The following PDE8B variants were observed in gnomAD, a reference collection of about 807,000 sequenced individuals.
The protein encoded by PDE8B is phosphodiesterase 8B.
PDE8B carries 26 observed loss-of-function variants against 101.3 expected under a neutral mutation model. The ratio of observed to expected loss-of-function variants is 0.26; its 90% confidence interval spans 0.19 to 0.36. The LOEUF is 0.36. PDE8B is among the 10% of genes least tolerant of loss of function. PDE8B has a pLI of 1.00. For missense variants in PDE8B, 810 were observed against 1,163.1 expected (o/e 0.70, Z 4.42); for synonymous variants, 424 against 429.3 (o/e 0.99, Z 0.15).
intron 1 of PDE8B, among the ~76,000 whole-genome samples, chr5:77,296,199 C>T (rs912028015): frequency 6.6e-6 from 1 of 151,638 alleles, no homozygotes; most frequent in African/African-American, 2.4e-5. Context: ...TCTTTCTCTC[C>T]CTCCTTTTCC....
intron 2 of PDE8B, among the ~76,000 whole-genome samples, chr5:77,321,142 ATTTTT>A (rs10538529): frequency 0.11 from 8,496 of 76,710 alleles, 355 homozygotes; most frequent in African/African-American, 0.25. Context: ...CAGTATCTCT[ATTTTT>A]TTTTTTTTTT....
chr5:77,116,762 A>G, the PDE8B span, among the ~76,000 whole-genome samples: 11 of 152,246 alleles, frequency 7.2e-5, no homozygotes, highest in Non-Finnish European at 1.6e-4. Context: ...AAAAGAACAT[A>G]GTATTAATCT....
At chr5:77,333,609 G>C (rs1280247070) in intron 5 of PDE8B, among the ~76,000 whole-genome samples, 2 of 152,172 alleles carry the variant, frequency 1.3e-5, no homozygotes, top group African/African-American at 4.8e-5. Flanking sequence ...TCTACCTTTA[G>C]TTCAGTGATC....
chr5:77,198,095 T>C, the PDE8B span, among the ~76,000 whole-genome samples: 1 of 152,200 alleles, frequency 6.6e-6, no homozygotes, highest in Non-Finnish European at 1.5e-5. Flanking sequence ...GATTTTGTTT[T>C]GGTACACAAG....
intron 10 of PDE8B, among the ~76,000 whole-genome samples, chr5:77,391,439 G>C (rs970722269): frequency 1.3e-5 from 2 of 152,180 alleles, no homozygotes; most frequent in African/African-American, 4.8e-5. Context: ...TGGGTTGCTA[G>C]CCATAGGCAT....
chr5:77,276,609 C>T (rs879339896), intron 1 of PDE8B, among the ~76,000 whole-genome samples: 1 of 152,154 alleles, frequency 6.6e-6, no homozygotes, highest in Non-Finnish European at 1.5e-5. Context: ...GCATCAGACA[C>T]AATATTGAGT....
intron 20 of PDE8B, among the ~76,000 whole-genome samples, chr5:77,423,622 G>A (rs372328786): frequency 1.9e-5 from 1 of 51,802 alleles, no homozygotes; most frequent in Admixed American, 2.2e-4. Context: ...CTGGACTTTT[G>A]TTTTGTTTAG....
the PDE8B span, chr5:77,112,883 A>T: frequency 1.3e-5 from 2 of 152,226 alleles, no homozygotes; most frequent in Non-Finnish European, 2.9e-5. Context: ...ATAGACAAAC[A>T]GAGAGCCAAA....
Position 77,395,968 on chromosome 5 carries a change from C to T in PDE8B, c.1168-4280C>T, listed in dbSNP as rs12514448. On this transcript the variant is annotated intron_variant, in intron 10 of 21. Transcript: ENST00000264917. ...TCCAGTCCACCAGGCTGGCTGTTCC[C>T]TCAGGAATAACCTCCCATGTGTCTG... Among the ~76,000 whole-genome samples the T allele has an allele frequency of 5.6e-4, 86 of 152,348 alleles. 1 individual carries two copies. Among genetic ancestry groups the T allele is most frequent in the Admixed American group, 4.2e-3 (65 of 15,302 alleles).
intron 10 of PDE8B, among the ~76,000 whole-genome samples, chr5:77,356,010 T>C (rs1782041879): frequency 6.6e-6 from 1 of 152,252 alleles, no homozygotes; most frequent in African/African-American, 2.4e-5. Context: ...GCTGAGGCCA[T>C]GTGGCCTGCA....
At chr5:77,093,180 T>C in the PDE8B span, among the ~76,000 whole-genome samples, 1 of 152,204 alleles carries the variant, frequency 6.6e-6, no homozygotes, top group Non-Finnish European at 1.5e-5. Flanking sequence ...TTTAAATGTT[T>C]GGTAGATTCA....
chr5:77,346,535 T>TCC (rs1780187606), intron 7 of PDE8B, among the ~76,000 whole-genome samples: 1 of 152,210 alleles, frequency 6.6e-6, no homozygotes, highest in Admixed American at 6.5e-5. Flanking sequence ...TATCAATTGG[T>TCC]GGTTAGAAAA....
chr5:77,195,467 A>G, the PDE8B span, among the ~76,000 whole-genome samples: 2 of 151,818 alleles, frequency 1.3e-5, no homozygotes, highest in Non-Finnish European at 2.9e-5. Context: ...TTTTTTTTCA[A>G]TTATAGCCAT....
rs143565719 is a variant in PDE8B at position 77,423,757 on chromosome 5, C to A, written c.2418+1769C>A. Among the ~76,000 whole-genome samples, 1,136 of 149,084 alleles carry A rather than the reference C, an allele frequency of 7.6e-3. 9 individuals are homozygous for A. The highest frequency in any genetic ancestry group is 0.026 in the African/African-American group (1,070 of 40,744). ...CAGGCTTGAGCAATTCTGCCTCAGC[C>A]TCCCAAGTAGCTGGGACTACAGGTG... is the stretch of plus-strand genomic sequence containing the variant. On this transcript the variant is annotated intron_variant, in intron 20 of 21. Transcript: ENST00000264917.
At chr5:77,204,956 G>A in the PDE8B span, among the ~76,000 whole-genome samples, 2 of 152,114 alleles carry the variant, frequency 1.3e-5, no homozygotes, top group Admixed American at 1.3e-4. Flanking sequence ...ATGCTTTTGT[G>A]AAATATATTT....
rs80268368 is a variant in PDE8B at position 77,258,457 on chromosome 5, G to A, written c.339+47193G>A. On this transcript the variant is annotated intron_variant, in intron 1 of 21. Transcript: ENST00000264917. The stretch of plus-strand genomic sequence containing the variant: ...AGGAGTTTGCAAAAGCACTAAACAT[G>A]TTTGCTTCATACTGTGGCTTTGATT... Among the ~76,000 whole-genome samples, 736 of 152,100 alleles carry A rather than the reference G, an allele frequency of 4.8e-3. 7 individuals are homozygous for A. The highest frequency in any genetic ancestry group is 0.017 in the African/African-American group (713 of 41,498).
the PDE8B span, among the ~76,000 whole-genome samples, chr5:77,171,274 C>T: frequency 6.6e-6 from 1 of 152,104 alleles, no homozygotes; most frequent in African/African-American, 2.4e-5. Flanking sequence ...TTGGAAATGG[C>T]ACTTTGTCCT....
chr5:77,362,708 C>T (rs968684289), intron 10 of PDE8B, among the ~76,000 whole-genome samples: 1 of 152,232 alleles, frequency 6.6e-6, no homozygotes, highest in Non-Finnish European at 1.5e-5. Flanking sequence ...TTCCCTGCCA[C>T]CTTCCCAAGT....
intron 2 of PDE8B, among the ~76,000 whole-genome samples, chr5:77,323,850 T>G (rs1223970882): frequency 6.6e-6 from 1 of 152,000 alleles, no homozygotes; most frequent in East Asian, 1.9e-4. Flanking sequence ...TCCCAGCTAC[T>G]CGGGAGGCTG....
Sources: allele counts gnomAD v4.1 joint callset (sites outside exome capture counted in the v4.1 genomes callset), GRCh38; gene constraint gnomAD v4.1.1; transcripts MANE v1.5; gene names NCBI Gene and HGNC (gene_info 2026-07-23, HGNC 2026-07-21).